The following NEGR1 variants were observed in gnomAD, a reference collection of about 807,000 sequenced individuals.
NEGR1 encodes IgLON family member 4.
Under a neutral mutation model 40.9 loss-of-function variants are expected in NEGR1, and 10 were observed. That is an observed-to-expected ratio of 0.24 (90% CI 0.15 to 0.42). The LOEUF is 0.42. NEGR1 is among the 10% of genes least tolerant of loss of function. NEGR1 has a pLI of 1.00. For synonymous variants in NEGR1, 185 were observed against 166.8 expected, an observed-to-expected ratio of 1.11 and a Z score of -0.84; for missense variants, 352 against 438.9, an observed-to-expected ratio of 0.80 and a Z score of 1.77.
At chr1:71,451,749 T>C (rs1646630495) in intron 6 of NEGR1, among the ~76,000 whole-genome samples, 1 of 152,214 alleles carries the variant, frequency 6.6e-6, no homozygotes, top group Non-Finnish European at 1.5e-5. Flanking sequence ...ACCAGTTTTA[T>C]AAAAGCAAGT....
chr1:71,407,422 A>G lies in NEGR1; in HGVS notation c.*24T>C. ...CATCAGCACTTTCAGAGAATCCTTAAAAGCCTTTTATGGGTCTTTGAATTT... is the reference window on the plus strand; with the variant it reads ...CATCAGCACTTTCAGAGAATCCTTAGAAGCCTTTTATGGGTCTTTGAATTT... On this transcript the variant is annotated 3_prime_UTR_variant, in exon 7 of 7. Coordinates refer to ENST00000357731, the MANE Select transcript of NEGR1 (RefSeq NM_173808.3). The G allele has an allele frequency of 6.2e-7, 1 of 1,608,882 alleles. No homozygotes were observed. Among genetic ancestry groups the G allele is most frequent in the Non-Finnish European group, 8.5e-7 (1 of 1,176,888 alleles).
intron 2 of NEGR1, among the ~76,000 whole-genome samples, chr1:71,925,079 A>T (rs1216068429): frequency 6.6e-6 from 1 of 152,186 alleles, no homozygotes; most frequent in Non-Finnish European, 1.5e-5. Flanking sequence ...TTGAGAGTCA[A>T]AAAATAAAAT....
chr1:72,047,653 C>T (rs1647014713), intron 1 of NEGR1, among the ~76,000 whole-genome samples: 1 of 151,144 alleles, frequency 6.6e-6, no homozygotes, highest in Non-Finnish European at 1.5e-5. Flanking sequence ...TATGTATTTT[C>T]AATTCACAAG....
chr1:71,846,205 T>A (rs539538755), intron 2 of NEGR1, among the ~76,000 whole-genome samples: 1 of 151,876 alleles, frequency 6.6e-6, no homozygotes, highest in East Asian at 1.9e-4. Context: ...AAAGCAAGTT[T>A]CCCCCCCAAC....
chr1:71,559,984 T>C (rs1648392840), intron 6 of NEGR1, among the ~76,000 whole-genome samples: 1 of 151,426 alleles, frequency 6.6e-6, no homozygotes, highest in East Asian at 2.0e-4. Context: ...AGTGGTTCTC[T>C]AAGTGTTATT....
At chr1:71,898,978 T>G (rs1661061843) in intron 2 of NEGR1, among the ~76,000 whole-genome samples, 1 of 32,112 alleles carries the variant, frequency 3.1e-5, no homozygotes, top group African/African-American at 1.7e-4. Flanking sequence ...TATATATATA[T>G]AGCATATATA....
At chr1:71,731,448 T>C (rs1401934866) in intron 3 of NEGR1, among the ~76,000 whole-genome samples, 1 of 152,196 alleles carries the variant, frequency 6.6e-6, no homozygotes, top group Non-Finnish European at 1.5e-5. Flanking sequence ...AAAACCATTC[T>C]GGGTCTTTTT....
At chr1:72,066,712 C>T (rs1647281779) in intron 1 of NEGR1, among the ~76,000 whole-genome samples, 3 of 152,026 alleles carry the variant, frequency 2.0e-5, no homozygotes, top group South Asian at 2.1e-4. Context: ...AAGAGGCCTC[C>T]GGAGAAACCA....
chr1:71,976,220 G>C (rs568320421), intron 1 of NEGR1, among the ~76,000 whole-genome samples: 2 of 151,966 alleles, frequency 1.3e-5, no homozygotes, highest in Admixed American at 6.6e-5. Context: ...TTTTGTTTTC[G>C]CTTCACTTCA....
chr1:71,897,621 T>C (rs1473257572), intron 2 of NEGR1, among the ~76,000 whole-genome samples: 1 of 152,242 alleles, frequency 6.6e-6, no homozygotes, highest in African/African-American at 2.4e-5. Flanking sequence ...GATTAACTCA[T>C]ACTTTAAAAT....
At chr1:71,955,811 C>T (rs573569005) in intron 1 of NEGR1, among the ~76,000 whole-genome samples, 126 of 152,140 alleles carry the variant, frequency 8.3e-4, no homozygotes, top group African/African-American at 2.4e-3. Flanking sequence ...CTTTTCTGGC[C>T]GATAGCACGA....
intron 1 of NEGR1, among the ~76,000 whole-genome samples, chr1:72,278,181 G>A (rs1345151749): frequency 6.6e-6 from 1 of 152,014 alleles, no homozygotes; most frequent in Non-Finnish European, 1.5e-5. Flanking sequence ...CAAATCTATT[G>A]CATTAAAATG....
chr1:71,570,260 C>T (rs1211704702), intron 6 of NEGR1, among the ~76,000 whole-genome samples: 1 of 152,068 alleles, frequency 6.6e-6, no homozygotes, highest in Non-Finnish European at 1.5e-5. Flanking sequence ...ATGGCATTTT[C>T]TTTGACAAGT....
At chr1:71,896,107 G>A (rs1014909163) in intron 2 of NEGR1, among the ~76,000 whole-genome samples, 4 of 143,964 alleles carry the variant, frequency 2.8e-5, no homozygotes, top group South Asian at 2.2e-4. Flanking sequence ...GCACAATCTC[G>A]GCTCACTGCA....
chr1:72,225,604 C>G (rs919461953), intron 1 of NEGR1, among the ~76,000 whole-genome samples: 2 of 151,286 alleles, frequency 1.3e-5, no homozygotes, highest in African/African-American at 2.4e-5. Flanking sequence ...ATAACTGAGA[C>G]TATTCTAAAT....
intron 2 of NEGR1, among the ~76,000 whole-genome samples, chr1:71,862,657 A>G (rs549822012): frequency 6.6e-6 from 1 of 152,168 alleles, no homozygotes; most frequent in Admixed American, 6.6e-5. Flanking sequence ...AGGAGTATAT[A>G]TTTTCTAGTG....
chr1:72,166,662 G>C (rs1250647925), intron 1 of NEGR1, among the ~76,000 whole-genome samples: 1 of 152,048 alleles, frequency 6.6e-6, no homozygotes, highest in Non-Finnish European at 1.5e-5. Flanking sequence ...AGGCAGGCAA[G>C]AGAGGACAAA....
chr1:71,663,146 A>T (rs1329022761), intron 4 of NEGR1, among the ~76,000 whole-genome samples: 2 of 151,786 alleles, frequency 1.3e-5, no homozygotes, highest in Admixed American at 6.6e-5. Flanking sequence ...TTTAGTAGAG[A>T]TGGGTTTTCA....
At chr1:71,640,860 A>C (rs1242201525) in intron 4 of NEGR1, among the ~76,000 whole-genome samples, 1 of 149,020 alleles carries the variant, frequency 6.7e-6, no homozygotes, top group East Asian at 1.9e-4. Flanking sequence ...TATTCCCAAC[A>C]CAAAAAGTGC....
Sources: gnomAD v4.1 joint callset for allele counts (sites outside exome capture counted in the v4.1 genomes callset) on GRCh38, gnomAD v4.1.1 for gene constraint, MANE v1.5 for transcripts, NCBI Gene and HGNC (gene_info 2026-07-23, HGNC 2026-07-21) for gene names.